ZBTB20: variants seen among roughly 807,000 people sequenced by gnomAD.
ZBTB20 encodes the protein zinc finger and BTB domain-containing protein 20.
In ZBTB20, 9 loss-of-function variants were observed where a neutral mutation model predicts 56.9. The ratio of observed to expected loss-of-function variants is 0.16; its 90% CI spans 0.10 to 0.28. The LOEUF is 0.28. Among genes scored for constraint, ZBTB20 ranks in the 10% least tolerant of loss-of-function variants. The pLI is 1.00. For missense variants in ZBTB20, 655 were observed against 1,003.0 expected, an observed-to-expected ratio of 0.65 and a Z score of 4.69; for synonymous variants, 417 against 420.7, an observed-to-expected ratio of 0.99 and a Z score of 0.11.
At chr3:114,546,005 A>G (rs886272350) in intron 6 of ZBTB20, among the ~76,000 whole-genome samples, 2 of 152,244 alleles carry the variant, frequency 1.3e-5, no homozygotes, top group Admixed American at 6.5e-5. Context: ...CAGTCAGCTT[A>G]AAAATTATTT....
intron 2 of ZBTB20, among the ~76,000 whole-genome samples, chr3:115,062,903 ATTCT>A (rs1209206332): frequency 1.3e-5 from 2 of 152,216 alleles, no homozygotes; most frequent in Non-Finnish European, 2.9e-5. Context: ...AAGGGAAACT[ATTCT>A]TTCTTTAACA....
intron 4 of ZBTB20, among the ~76,000 whole-genome samples, chr3:114,839,469 G>GAAAGAAAGAAAGAAAGAA (rs1560306957): frequency 4.1e-5 from 3 of 72,544 alleles, no homozygotes; most frequent in African/African-American, 1.6e-4. Flanking sequence ...GAAAGAAAGA[G>GAAAGAAAGAAAGAAAGAA]AGAGAGAAAG....
intron 4 of ZBTB20, among the ~76,000 whole-genome samples, chr3:114,866,034 A>C (rs1275464945): frequency 6.6e-6 from 1 of 152,178 alleles, no homozygotes; most frequent in East Asian, 1.9e-4. Context: ...TTAAATGCAT[A>C]ATTTTGGAGG....
intron 2 of ZBTB20, among the ~76,000 whole-genome samples, chr3:114,976,710 C>T (rs755585074): frequency 2.0e-5 from 3 of 151,652 alleles, no homozygotes; most frequent in African/African-American, 7.3e-5. Context: ...TAATGGCCAG[C>T]ATATACCAAA....
At chr3:114,391,935 G>C (rs1366214441) in intron 7 of ZBTB20, among the ~76,000 whole-genome samples, 1 of 152,218 alleles carries the variant, frequency 6.6e-6, no homozygotes, top group Non-Finnish European at 1.5e-5. Flanking sequence ...AGACCAGAGA[G>C]AGGGAGGTTG....
chr3:114,415,011 T>C (rs115620235), intron 7 of ZBTB20, among the ~76,000 whole-genome samples: 1,606 of 145,942 alleles, frequency 0.011, 24 homozygotes, highest in African/African-American at 0.036. Flanking sequence ...TGGCAACTCA[T>C]AGCTTTCACA....
chr3:114,502,456 G>C (rs2044109049), intron 6 of ZBTB20, among the ~76,000 whole-genome samples: 1 of 149,788 alleles, frequency 6.7e-6, no homozygotes, highest in Non-Finnish European at 1.5e-5. Context: ...GTGACAAGAC[G>C]AGTTAAGATG....
At chr3:114,794,826 G>C (rs2071228686) in intron 5 of ZBTB20, among the ~76,000 whole-genome samples, 1 of 152,054 alleles carries the variant, frequency 6.6e-6, no homozygotes. Flanking sequence ...GTTGTAGGTA[G>C]TAATAATGAG....
At chr3:114,406,683 C>T (rs1220368267) in intron 7 of ZBTB20, among the ~76,000 whole-genome samples, 1 of 152,006 alleles carries the variant, frequency 6.6e-6, no homozygotes, top group Non-Finnish European at 1.5e-5. Flanking sequence ...GGTGTTTGTA[C>T]TCCTTCTAAG....
At chr3:114,374,067 C>T (rs2083334332) in intron 10 of ZBTB20, among the ~76,000 whole-genome samples, 1 of 151,976 alleles carries the variant, frequency 6.6e-6, no homozygotes, top group Non-Finnish European at 1.5e-5. Context: ...TGTATAAGTG[C>T]TGGACTAAGC....
chr3:114,609,155 G>A (rs2057373262), intron 6 of ZBTB20, among the ~76,000 whole-genome samples: 1 of 152,170 alleles, frequency 6.6e-6, no homozygotes, highest in South Asian at 2.1e-4. Context: ...CACCATCTAA[G>A]ATGAGCTCAC....
At chr3:114,856,217 C>T (rs1050344796) in intron 4 of ZBTB20, among the ~76,000 whole-genome samples, 1 of 152,134 alleles carries the variant, frequency 6.6e-6, no homozygotes, top group Non-Finnish European at 1.5e-5. Flanking sequence ...TTTGATGGTC[C>T]TTTACCACCT....
chr3:114,932,755 G>C (rs1456684905), intron 3 of ZBTB20, among the ~76,000 whole-genome samples: 2 of 152,202 alleles, frequency 1.3e-5, no homozygotes, highest in African/African-American at 2.4e-5. Flanking sequence ...AAATAAGATA[G>C]AATGTTTGCA....
chr3:114,569,666 A>G (rs2053200662), intron 6 of ZBTB20, among the ~76,000 whole-genome samples: 2 of 152,228 alleles, frequency 1.3e-5, no homozygotes, highest in Admixed American at 1.3e-4. Flanking sequence ...CTGTCTGCCT[A>G]CAACCTGCAT....
chr3:114,584,661 T>A (rs899838663), intron 6 of ZBTB20, among the ~76,000 whole-genome samples: 1 of 152,192 alleles, frequency 6.6e-6, no homozygotes, highest in Non-Finnish European at 1.5e-5. Context: ...GAGACAGTAA[T>A]GTGTGCAATT....
At chr3:114,698,357 C>A (rs972226822) in intron 5 of ZBTB20, among the ~76,000 whole-genome samples, 5 of 152,048 alleles carry the variant, frequency 3.3e-5, no homozygotes, top group African/African-American at 1.2e-4. Flanking sequence ...AATTGAGGAA[C>A]AATATTCATA....
chr3:114,544,112 T>C (rs908965020), intron 6 of ZBTB20, among the ~76,000 whole-genome samples: 1 of 152,222 alleles, frequency 6.6e-6, no homozygotes, highest in African/African-American at 2.4e-5. Context: ...AAGGAAAGAC[T>C]AGCTGTAGTT....
At chr3:114,957,326 G>T (rs2077280753) in intron 3 of ZBTB20, among the ~76,000 whole-genome samples, 1 of 152,162 alleles carries the variant, frequency 6.6e-6, no homozygotes, top group African/African-American at 2.4e-5. Context: ...GATAAAATAG[G>T]ATAAGATAAA....
At chr3:114,504,005 G>C (rs1185633313) in intron 6 of ZBTB20, among the ~76,000 whole-genome samples, 1 of 152,042 alleles carries the variant, frequency 6.6e-6, no homozygotes, top group South Asian at 2.1e-4. Flanking sequence ...ATGAATCCCA[G>C]GTTAGGAACC....
Sources: gnomAD v4.1 joint callset for allele counts (sites outside exome capture counted in the v4.1 genomes callset) on GRCh38, gnomAD v4.1.1 for gene constraint, MANE v1.5 for transcripts, NCBI Gene and HGNC (gene_info 2026-07-23, HGNC 2026-07-21) for gene names.